SOX5: variants seen among roughly 807,000 people sequenced by gnomAD.
SOX5 encodes transcription factor SOX-5.
Under a neutral mutation model 92.0 loss-of-function variants are expected in SOX5, and 9 were observed. The ratio of observed to expected loss-of-function variants is 0.10; its 90% confidence interval spans 0.06 to 0.17. SOX5 has a LOEUF of 0.17. Among genes scored for constraint, SOX5 ranks in the 10% least tolerant of loss-of-function variants. The pLI, the probability that SOX5 is intolerant of heterozygous loss-of-function variation, is 1.00. For missense variants in SOX5, 642 were observed against 944.5 expected, an observed-to-expected ratio of 0.68 and a Z score of 4.20; for synonymous variants, 344 against 336.3, an observed-to-expected ratio of 1.02 and a Z score of -0.25.
At chr12:23,713,277 C>T (rs771304878) in intron 6 of SOX5, among the ~76,000 whole-genome samples, 1 of 152,126 alleles carries the variant, frequency 6.6e-6, no homozygotes, top group Admixed American at 6.5e-5. Context: ...CTCAGAGCCT[C>T]CAGAAGGAAT....
intron 3 of SOX5, among the ~76,000 whole-genome samples, chr12:24,215,891 G>A (rs1050703040): frequency 1.3e-5 from 2 of 152,214 alleles, no homozygotes; most frequent in African/African-American, 4.8e-5. Context: ...AGTGGTACTG[G>A]TATAAGGATG....
chr12:24,531,744 T>C (rs936137878), intron 1 of SOX5, among the ~76,000 whole-genome samples: 11 of 152,202 alleles, frequency 7.2e-5, no homozygotes, highest in Admixed American at 6.5e-4. Context: ...CCACCTTTCA[T>C]TGCCTGCCTG....
intron 5 of SOX5, among the ~76,000 whole-genome samples, chr12:23,739,971 G>A (rs1450258919): frequency 6.6e-6 from 1 of 151,942 alleles, no homozygotes; most frequent in East Asian, 1.9e-4. Context: ...TGTCTCTCTG[G>A]TTAATTGAGA....
rs116342401 is a variant in SOX5, at chr12:23,570,287, G to A, written c.1342+5374C>T. 3.7e-3 allele frequency among the ~76,000 whole-genome samples: 567 copies of A among 152,166 alleles called. 4 individuals carry two copies. The highest frequency in any genetic ancestry group is 0.013 in the African/African-American group (546 of 41,512). ...ATTTTTTTATCTGTGAAAGCTCACC[G>A]GAATTAGATAATACATGTGAAAGCA... On this transcript the variant is annotated intron_variant, in intron 10 of 14. Coordinates refer to ENST00000451604, the MANE Select transcript of SOX5 (RefSeq NM_006940.6).
At chr12:24,131,051 T>G (rs1478508313) in intron 4 of SOX5, among the ~76,000 whole-genome samples, 2 of 152,218 alleles carry the variant, frequency 1.3e-5, no homozygotes, top group Non-Finnish European at 2.9e-5. Context: ...TTCAAAAATT[T>G]ATCATTTAAG....
At chr12:24,354,631 G>A (rs554684539) in intron 2 of SOX5, among the ~76,000 whole-genome samples, 4 of 152,320 alleles carry the variant, frequency 2.6e-5, no homozygotes, top group South Asian at 4.1e-4. Flanking sequence ...TGGAGATAAA[G>A]AGAAGCTGAC....
chr12:24,146,574 TAAAG>T (rs1054353264), intron 4 of SOX5, among the ~76,000 whole-genome samples: 22 of 151,748 alleles, frequency 1.4e-4, no homozygotes, highest in Admixed American at 1.4e-3. Context: ...TGTAAGAAAT[TAAAG>T]AGAGCAAACA....
At chr12:23,637,071 T>C (rs1468080503) in intron 8 of SOX5, among the ~76,000 whole-genome samples, 1 of 152,220 alleles carries the variant, frequency 6.6e-6, no homozygotes, top group African/African-American at 2.4e-5. Context: ...GCACTTTACA[T>C]GAGTTAAAAT....
At position 24,082,945 on chromosome 12, in the gene SOX5, T is replaced by A. The variant is rs542808889; in HGVS notation, c.-2+130398A>T. On this transcript the variant is annotated intron_variant, in intron 4 of 4. Coordinates refer to the SOX5 transcript ENST00000446891. The stretch of plus-strand genomic sequence containing the variant: ...AAAGATATAATGATAGATTTAACGA[T>A]AATAATGGCAACAAACTTCTCAGTT... 1.4e-4 allele frequency among the ~76,000 whole-genome samples: 21 copies of A among 152,088 alleles called. 1 individual carries two copies. In the South Asian group the frequency reaches 3.9e-3, roughly 29 times the overall value.
chr12:23,645,722 TAATG>T (rs1381846607), intron 7 of SOX5, among the ~76,000 whole-genome samples: 2 of 152,196 alleles, frequency 1.3e-5, no homozygotes, highest in African/African-American at 2.4e-5. Flanking sequence ...TTTCCTAAAT[TAATG>T]AATGTGTATT....
At chr12:23,833,871 A>G (rs994515846) in intron 3 of SOX5, among the ~76,000 whole-genome samples, 1 of 151,968 alleles carries the variant, frequency 6.6e-6, no homozygotes, top group Admixed American at 6.6e-5. Context: ...GTTTAAAAAG[A>G]CAAATTACAC....
At chr12:24,200,532 G>A (rs1320367976) in intron 4 of SOX5, among the ~76,000 whole-genome samples, 3 of 151,506 alleles carry the variant, frequency 2.0e-5, no homozygotes, top group East Asian at 3.9e-4. Context: ...GTGAAAACAC[G>A]CACACTCATA....
At chr12:24,166,094 C>T (rs4963567) in intron 4 of SOX5, among the ~76,000 whole-genome samples, 15,886 of 151,802 alleles carry the variant, frequency 0.1, 1,117 homozygotes, top group East Asian at 0.37. Context: ...TGGAAAGAAA[C>T]GTAGAAAGGA....
At chr12:24,251,077 GTGTT>G (rs1199913568) in intron 3 of SOX5, among the ~76,000 whole-genome samples, 1 of 152,234 alleles carries the variant, frequency 6.6e-6, no homozygotes, top group Non-Finnish European at 1.5e-5. Flanking sequence ...TACATGGAAA[GTGTT>G]TGCGTAGCAG....
rs561952991 is a variant in SOX5 at position 23,969,471 on chromosome 12, C to T, written c.-1-73447G>A. Among the ~76,000 whole-genome samples, 17 of 152,330 alleles carry T rather than the reference C, an allele frequency of 1.1e-4. No homozygotes were observed. In the South Asian group the frequency reaches 2.7e-3, roughly 24 times the overall value. On this transcript the variant is annotated intron_variant, in intron 4 of 4. Coordinates refer to the SOX5 transcript ENST00000446891. ...TTTAGTATGGCCTACACAACACCTT[C>T]CTTATTGCTACCACGTGGCAGTTAC...
At chr12:24,307,958 T>G (rs896717592) in intron 2 of SOX5, among the ~76,000 whole-genome samples, 2 of 151,932 alleles carry the variant, frequency 1.3e-5, no homozygotes, top group African/African-American at 2.4e-5. Flanking sequence ...GTCACGCAAT[T>G]GTTACACTGT....
At chr12:23,690,413 C>A (rs908691569) in intron 6 of SOX5, among the ~76,000 whole-genome samples, 6 of 152,258 alleles carry the variant, frequency 3.9e-5, no homozygotes, top group African/African-American at 1.4e-4. Flanking sequence ...TGGACTCTTA[C>A]ACGCCAGACA....
intron 3 of SOX5, among the ~76,000 whole-genome samples, chr12:23,801,424 T>C (rs1023433760): frequency 2.0e-5 from 3 of 152,166 alleles, no homozygotes; most frequent in African/African-American, 7.2e-5. Context: ...TGGTAATAAC[T>C]GAACCACAGT....
At chr12:23,911,109 G>A (rs2097347217) in intron 1 of SOX5, among the ~76,000 whole-genome samples, 1 of 151,754 alleles carries the variant, frequency 6.6e-6, no homozygotes, top group South Asian at 2.1e-4. Context: ...GTACAGAAGT[G>A]AAATACAGAA....
Sources: allele counts gnomAD v4.1 joint callset (sites outside exome capture counted in the v4.1 genomes callset), GRCh38; gene constraint gnomAD v4.1.1; transcripts MANE v1.5; gene names NCBI Gene and HGNC (gene_info 2026-07-23, HGNC 2026-07-21).